SORCS1: variants seen among roughly 807,000 people sequenced by gnomAD.
The protein encoded by SORCS1 is sortilin related VPS10 domain containing receptor 1.
In SORCS1, 60 loss-of-function variants were observed where a neutral mutation model predicts 146.1. The observed-to-expected ratio is 0.41, with a 90% CI of 0.33 to 0.51. The LOEUF is 0.51. Among genes scored for constraint, SORCS1 ranks in the 20% least tolerant of loss-of-function variants. The pLI is 0.21. For synonymous variants in SORCS1, 637 were observed against 584.0 expected (o/e 1.09, Z -1.31); for missense variants, 1,352 against 1,487.6 (o/e 0.91, Z 1.50).
chr10:106,767,649 C>T (rs376420981), intron 4 of SORCS1, among the ~76,000 whole-genome samples: 68 of 152,076 alleles, frequency 4.5e-4, no homozygotes, highest in African/African-American at 1.5e-3. Flanking sequence ...CCACCACGCC[C>T]GGCTAATTTT....
intron 5 of SORCS1, among the ~76,000 whole-genome samples, chr10:106,744,997 A>G (rs748413571): frequency 1.3e-4 from 20 of 152,218 alleles, no homozygotes; most frequent in Non-Finnish European, 2.5e-4. Context: ...GCTCCTTAAA[A>G]AAAGACCAAC....
At chr10:107,025,127 C>T (rs1958341893) in intron 1 of SORCS1, among the ~76,000 whole-genome samples, 1 of 152,066 alleles carries the variant, frequency 6.6e-6, no homozygotes. Context: ...ACATCAAAAT[C>T]TAAAAAATGA....
chr10:106,736,602 T>TCAAAAAAAAAAAAAAAA (rs1433395056), intron 5 of SORCS1, among the ~76,000 whole-genome samples: 1 of 38,758 alleles, frequency 2.6e-5, no homozygotes, highest in African/African-American at 6.9e-5. Context: ...TAACCCTGGT[T>TCAAAAAAAAAAAAAAAA]AAAAAAAAAA....
chr10:107,156,069 T>C (rs1969258586), intron 1 of SORCS1, among the ~76,000 whole-genome samples: 1 of 152,058 alleles, frequency 6.6e-6, no homozygotes, highest in Non-Finnish European at 1.5e-5. Context: ...TATTGCCAAG[T>C]AAAGTGTCAG....
chr10:106,993,375 T>G (rs1956853345), intron 1 of SORCS1, among the ~76,000 whole-genome samples: 1 of 152,224 alleles, frequency 6.6e-6, no homozygotes, highest in African/African-American at 2.4e-5. Flanking sequence ...CACACTTGAA[T>G]ATCACTCTCA....
intron 6 of SORCS1, among the ~76,000 whole-genome samples, chr10:106,720,033 C>T (rs184329898): frequency 1.2e-3 from 181 of 152,328 alleles, no homozygotes; most frequent in African/African-American, 4.2e-3. Context: ...GCCACCTTAT[C>T]CGAGATTTCT....
chr10:106,918,845 T>A (rs1374393140), intron 2 of SORCS1, among the ~76,000 whole-genome samples: 2 of 139,002 alleles, frequency 1.4e-5, no homozygotes, highest in African/African-American at 3.3e-5. Context: ...TGTATTATAT[T>A]TTTTTTTCCT....
At chr10:107,108,491 A>G (rs929352273) in intron 1 of SORCS1, among the ~76,000 whole-genome samples, 7 of 152,120 alleles carry the variant, frequency 4.6e-5, no homozygotes, top group African/African-American at 1.4e-4. Flanking sequence ...CCAGATCTCA[A>G]AAGAACTCAC....
chr10:106,998,873 G>C (rs112247257), intron 1 of SORCS1, among the ~76,000 whole-genome samples: 8 of 152,320 alleles, frequency 5.3e-5, no homozygotes, highest in African/African-American at 1.7e-4. Context: ...CTCTAGAGTA[G>C]AATCAGACTG....
chr10:107,138,811 C>T (rs1003607421), intron 1 of SORCS1, among the ~76,000 whole-genome samples: 5 of 152,244 alleles, frequency 3.3e-5, no homozygotes, highest in Non-Finnish European at 4.4e-5. Flanking sequence ...AGCCTCAGTG[C>T]CTCTACGCGG....
chr10:107,147,268 G>A (rs1271562912), intron 1 of SORCS1, among the ~76,000 whole-genome samples: 2 of 152,174 alleles, frequency 1.3e-5, no homozygotes, highest in African/African-American at 4.8e-5. Flanking sequence ...TTGCCCTGCT[G>A]AGACTTTGCA....
chr10:107,178,009 G>T, the SORCS1 span, among the ~76,000 whole-genome samples: 273 of 152,174 alleles, frequency 1.8e-3, no homozygotes, highest in Non-Finnish European at 3.4e-3. Flanking sequence ...TGGAGCATTG[G>T]GGGTGGGAGG....
intron 3 of SORCS1, among the ~76,000 whole-genome samples, chr10:106,817,702 G>C (rs949003803): frequency 5.9e-5 from 9 of 152,194 alleles, no homozygotes; most frequent in Admixed American, 3.9e-4. Flanking sequence ...ACCTTTACCA[G>C]TATAAACTCG....
At chr10:107,003,109 G>T (rs1242097221) in intron 1 of SORCS1, among the ~76,000 whole-genome samples, 1 of 152,060 alleles carries the variant, frequency 6.6e-6, no homozygotes, top group East Asian at 1.9e-4. Flanking sequence ...ACAAAAATTA[G>T]CCAGGCATGG....
intron 1 of SORCS1, among the ~76,000 whole-genome samples, chr10:106,977,947 T>G (rs1956101353): frequency 6.6e-6 from 1 of 152,162 alleles, no homozygotes. Context: ...ATGTTTGTGG[T>G]TCATCATTTT....
chr10:106,751,964 A>T (rs1313254416), intron 5 of SORCS1, among the ~76,000 whole-genome samples: 1 of 152,226 alleles, frequency 6.6e-6, no homozygotes, highest in Admixed American at 6.5e-5. Context: ...CAATAAAGAA[A>T]TATATATGGA....
intron 1 of SORCS1, among the ~76,000 whole-genome samples, chr10:107,078,065 G>T (rs911566079): frequency 7.2e-5 from 11 of 152,120 alleles, no homozygotes; most frequent in Non-Finnish European, 1.5e-4. Flanking sequence ...TGAGTAAAGA[G>T]AAATTAGAAA....
Position 106,829,657 on chromosome 10 carries a change from T to G in SORCS1, c.643A>C (p.Thr215Pro). 1 of 1,605,882 alleles carries G rather than the reference T, an allele frequency of 6.2e-7. No individual in the cohort carries two copies. The highest frequency in any genetic ancestry group is 8.5e-7 in the Non-Finnish European group (1 of 1,173,420). ...TTATCATTCAGCTTCTCATAGGTTG[T>G]TCCATAATCGGTTGACCTATAATCC... ...SSLWRSTDYG[T>P]TYEKLNDKVG... Residue 215 changes from threonine to proline, a missense_variant, in exon 3 of 26, where the codon ACA (threonine) becomes CCA (proline). Around this residue, in one of 3 missense-constraint regions of SORCS1, gnomAD observed 490 missense variants for 489.1 expected, o/e 1.00. Transcript: ENST00000263054.
rs35701765 is a variant in SORCS1 at position 106,878,165 on chromosome 10, CT to C, written c.627-48493del. Among the ~76,000 whole-genome samples the C allele has an allele frequency of 6.2e-3, 869 of 140,928 alleles. 5 individuals are homozygous for C. The highest frequency in any genetic ancestry group is 0.014 in the African/African-American group (553 of 38,320). 92.5% of individuals were successfully genotyped at this position (140,928 alleles called of 152,430 possible). On this transcript the variant is annotated intron_variant, in intron 2 of 25. Transcript: ENST00000263054. The stretch of plus-strand genomic sequence containing the variant: ...ATGAGCGGACCAAGAGCAGACAGGG[CT>C]TTTTTTTTTTTTTTAAGTCCAGATA...
Sources: gnomAD v4.1 joint callset for allele counts (sites outside exome capture counted in the v4.1 genomes callset) on GRCh38, gnomAD v4.1.1 for gene constraint, gnomAD v4.1.1 regional missense constraint, MANE v1.5 for transcripts, NCBI Gene and HGNC (gene_info 2026-07-23, HGNC 2026-07-21) for gene names.